The following EVI5 variants were observed in gnomAD, a reference collection of about 807,000 sequenced individuals.
EVI5 encodes the protein ecotropic viral integration site 5, also known as ecotropic viral integration site 5 protein homolog.
EVI5 carries 73 observed loss-of-function variants against 112.0 expected under a neutral mutation model. The observed-to-expected ratio is 0.65, with a 90% confidence interval of 0.54 to 0.79. EVI5 has a LOEUF of 0.79. EVI5 is among the 30% of genes least tolerant of loss of function. EVI5 has a pLI of 0.00. For synonymous variants in EVI5, 305 were observed against 319.9 expected (o/e 0.95, Z 0.50); for missense variants, 900 against 968.8 (o/e 0.93, Z 0.94).
chr1:92,595,111 C>T (rs933143225), intron 18 of EVI5, among the ~76,000 whole-genome samples: 1 of 151,924 alleles, frequency 6.6e-6, no homozygotes, highest in African/African-American at 2.4e-5. Flanking sequence ...AAGACACATG[C>T]ACACGTATGT....
chr1:92,676,122 C>A (rs960615270), intron 10 of EVI5, among the ~76,000 whole-genome samples: 10 of 149,658 alleles, frequency 6.7e-5, no homozygotes, highest in Non-Finnish European at 1.2e-4. Context: ...GAAAAGGTGA[C>A]AGAAATGGGA....
upstream of EVI5, among the ~76,000 whole-genome samples, chr1:92,789,791 A>G (rs965584060): frequency 1.3e-5 from 2 of 152,184 alleles, no homozygotes; most frequent in African/African-American, 2.4e-5. Flanking sequence ...TGTTAGCTCC[A>G]TTGTTCACAG....
At chr1:92,659,615 G>C (rs1473409858) in intron 13 of EVI5, among the ~76,000 whole-genome samples, 3 of 151,974 alleles carry the variant, frequency 2.0e-5, no homozygotes, top group Non-Finnish European at 4.4e-5. Flanking sequence ...TGTGGAAAAA[G>C]GAGGACACAT....
chr1:92,625,391 GAGGTA>G (rs1290140366), intron 15 of EVI5, among the ~76,000 whole-genome samples: 1 of 152,086 alleles, frequency 6.6e-6, no homozygotes, highest in Non-Finnish European at 1.5e-5. Flanking sequence ...TTTATCTGGT[GAGGTA>G]ACTAAGTTAC....
intron 18 of EVI5, among the ~76,000 whole-genome samples, chr1:92,585,534 A>C (rs1672644185): frequency 6.6e-6 from 1 of 152,156 alleles, no homozygotes; most frequent in Admixed American, 6.6e-5. Context: ...AAAGGTAGAA[A>C]ATATTCCTCA....
intron 18 of EVI5, among the ~76,000 whole-genome samples, chr1:92,588,219 T>C (rs1448422047): frequency 6.6e-6 from 1 of 152,354 alleles, no homozygotes; most frequent in African/African-American, 2.4e-5. Context: ...ACAGCTTAAA[T>C]GTCATCTAAC....
At chr1:92,646,991 C>A (rs923522921) in intron 13 of EVI5, 2 of 215,208 alleles carry the variant, frequency 9.3e-6, no homozygotes, top group Admixed American at 8.2e-5. Context: ...CAATCATGGC[C>A]CTCCCCTACT....
intron 18 of EVI5, chr1:92,580,687 CA>C: frequency 5.8e-6 from 1 of 171,174 alleles, no homozygotes. Flanking sequence ...TCCATTCCTG[CA>C]AATACACTGA....
chr1:92,606,479 C>T (rs1185782299), intron 17 of EVI5, among the ~76,000 whole-genome samples: 3 of 152,074 alleles, frequency 2.0e-5, no homozygotes, highest in African/African-American at 7.2e-5. Context: ...CTGATACAAC[C>T]TCATTTAATA....
intron 13 of EVI5, among the ~76,000 whole-genome samples, chr1:92,661,495 T>C (rs1053835837): frequency 1.4e-4 from 22 of 152,162 alleles, no homozygotes; most frequent in Non-Finnish European, 2.2e-4. Flanking sequence ...ACAATACTTA[T>C]TGTGTTTTCT....
chr1:92,747,206 T>A (rs1001010586), intron 1 of EVI5, among the ~76,000 whole-genome samples: 2 of 152,160 alleles, frequency 1.3e-5, no homozygotes, highest in African/African-American at 2.4e-5. Context: ...TTAGGTATCA[T>A]AAGTAATCTA....
At chr1:92,627,859 G>A (rs972043057) in intron 14 of EVI5, among the ~76,000 whole-genome samples, 3 of 151,564 alleles carry the variant, frequency 2.0e-5, no homozygotes, top group African/African-American at 4.9e-5. Flanking sequence ...GCACAATCTC[G>A]GCTCACTGCA....
At chr1:92,664,136 T>C (rs902663337) in intron 11 of EVI5, among the ~76,000 whole-genome samples, 4 of 152,178 alleles carry the variant, frequency 2.6e-5, no homozygotes, top group African/African-American at 7.2e-5. Flanking sequence ...GAGAAGGAAT[T>C]TGAGTAAGCA....
chr1:92,510,251 A>T lies in EVI5; in HGVS notation c.*3405T>A, dbSNP rs1423057983. On this transcript the variant is annotated 3_prime_UTR_variant, in exon 20 of 20. Coordinates refer to ENST00000684568, the MANE Select transcript of EVI5 (RefSeq NM_001350197.2). The stretch of plus-strand genomic sequence containing the variant: ...CAAACATGATTCTAGAAAATTTCTT[A>T]TCTTAAAGTCAAACTATAACCTTTA... The T allele has an allele frequency of 6.6e-6, 1 of 152,230 alleles. No homozygotes were observed. Among genetic ancestry groups the T allele is most frequent in the Non-Finnish European group, 1.5e-5 (1 of 68,042 alleles). 9.4% of individuals were successfully genotyped at this position (152,230 alleles called of 1,614,324 possible).
chr1:92,557,968 C>A (rs1667943850), intron 19 of EVI5, among the ~76,000 whole-genome samples: 2 of 152,114 alleles, frequency 1.3e-5, no homozygotes, highest in Admixed American at 1.3e-4. Context: ...AAACTCCTGA[C>A]CTCAAGTGAT....
chr1:92,784,830 C>A lies in EVI5; in HGVS notation c.-82+6G>T, dbSNP rs1364300344. On this transcript the variant is annotated splice_donor_region_variant and intron_variant, in intron 1 of 19. Coordinates refer to ENST00000684568, the MANE Select transcript of EVI5 (RefSeq NM_001350197.2). ...GGCCCGCCCGGCCTGGCGCAGCGCCCCTCACCTTGGAAACGTTGAGTAGAC... is the reference window on the plus strand; with the variant it reads ...GGCCCGCCCGGCCTGGCGCAGCGCCACTCACCTTGGAAACGTTGAGTAGAC... 2.0e-6 allele frequency: 2 copies of A among 985,794 alleles called. No homozygotes were observed. The highest frequency in any genetic ancestry group is 2.4e-6 in the Non-Finnish European group (2 of 830,424). 61.1% of individuals were successfully genotyped at this position (985,794 alleles called of 1,614,324 possible).
chr1:92,522,631 CAAA>C (rs61277173), intron 19 of EVI5, among the ~76,000 whole-genome samples: 2 of 70,484 alleles, frequency 2.8e-5, no homozygotes, highest in African/African-American at 6.4e-5. Flanking sequence ...ACTCCATCTC[CAAA>C]AAAAAAAAAA....
intron 1 of EVI5, among the ~76,000 whole-genome samples, chr1:92,764,338 T>C (rs1288168062): frequency 6.6e-6 from 1 of 152,220 alleles, no homozygotes; most frequent in Non-Finnish European, 1.5e-5. Context: ...CGTGAATAAA[T>C]GAAGTATTAC....
chr1:92,782,580 C>G (rs1265860664), intron 1 of EVI5, among the ~76,000 whole-genome samples: 4 of 152,236 alleles, frequency 2.6e-5, no homozygotes, highest in Non-Finnish European at 5.9e-5. Context: ...CTCTACTAGA[C>G]TAGCAAAAAA....
Sources: allele counts gnomAD v4.1 joint callset (sites outside exome capture counted in the v4.1 genomes callset), GRCh38; gene constraint gnomAD v4.1.1; transcripts MANE v1.5; gene names NCBI Gene and HGNC (gene_info 2026-07-23, HGNC 2026-07-21).